Variants in THAP12 observed in about 807,000 individuals in gnomAD.
THAP12 encodes the protein THAP domain containing 12.
THAP12 carries 20 observed loss-of-function variants against 63.0 expected under a neutral mutation model. The ratio of observed to expected loss-of-function variants is 0.32; its 90% CI spans 0.22 to 0.46. THAP12 has a LOEUF of 0.46. Among genes scored for constraint, THAP12 ranks in the 20% least tolerant of loss-of-function variants. The pLI is 1.00. For synonymous variants in THAP12, 264 were observed against 328.4 expected (o/e 0.80, Z 2.12); for missense variants, 568 against 908.2 (o/e 0.63, Z 4.81).
chr11:76,362,753 A>G (rs1326137724), intron 2 of THAP12, among the ~76,000 whole-genome samples: 2 of 152,250 alleles, frequency 1.3e-5, no homozygotes, highest in Admixed American at 6.5e-5. Context: ...CAAATTTTTA[A>G]AAGTCAAATC....
At chr11:76,379,987 C>T (rs775479615) in intron 1 of THAP12, among the ~76,000 whole-genome samples, 10 of 152,232 alleles carry the variant, frequency 6.6e-5, no homozygotes, top group Non-Finnish European at 8.8e-5. Flanking sequence ...CAGCACCTAA[C>T]ATTTGCGCTC....
At chr11:76,375,807 C>T (rs1002680431) in intron 1 of THAP12, among the ~76,000 whole-genome samples, 4 of 150,832 alleles carry the variant, frequency 2.7e-5, no homozygotes, top group Non-Finnish European at 5.9e-5. Flanking sequence ...TCAATAACAC[C>T]TCTGGAAACT....
chr11:76,355,558 A>C, intron 4 of THAP12, 60 bp downstream of exon 4: 2 of 1,430,642 alleles, frequency 1.4e-6, no homozygotes, highest in Non-Finnish European at 1.9e-6. Context: ...ATTTGTCCTT[A>C]CCAGGTCAAG....
At chr11:76,365,744 A>G in intron 2 of THAP12, 108 bp downstream of exon 2, 1 of 1,322,100 alleles carries the variant, frequency 7.6e-7, no homozygotes, top group Non-Finnish European at 1.0e-6. Context: ...AAGTGGCAGG[A>G]TATAGGAATA....
chr11:76,362,912 C>T (rs1946606971), intron 2 of THAP12, among the ~76,000 whole-genome samples: 1 of 152,144 alleles, frequency 6.6e-6, no homozygotes, highest in Admixed American at 6.5e-5. Context: ...GAGGCCTTGG[C>T]CGGGTAGACG....
intron 4 of THAP12, 142 bp from the exon 5 acceptor site, chr11:76,352,936 G>A: frequency 1.1e-6 from 1 of 951,242 alleles, no homozygotes; most frequent in East Asian, 2.9e-5. Context: ...CCACAGACTA[G>A]GACAGAGATT....
At chr11:76,369,680 T>C (rs1271970949) in intron 1 of THAP12, among the ~76,000 whole-genome samples, 2 of 152,256 alleles carry the variant, frequency 1.3e-5, no homozygotes, top group Admixed American at 6.5e-5. Flanking sequence ...GGAATTTTAT[T>C]ATATGCCAGG....
rs188442272 is a variant in THAP12 at position 76,366,675 on chromosome 11, C to T, written c.90-703G>A. Reference sequence around the variant, plus strand: ...CAGCCTGGGTGACAGAGCCAGACTCCGTCTCGGAAAAAAAAAAAAAAATCA... The same window carrying T: ...CAGCCTGGGTGACAGAGCCAGACTCTGTCTCGGAAAAAAAAAAAAAAATCA... On this transcript the variant is annotated intron_variant, in intron 1 of 4. Transcript: ENST00000260045. Among the ~76,000 whole-genome samples, 666 of 149,814 alleles carry T rather than the reference C, an allele frequency of 4.4e-3. 4 individuals carry two copies. The highest frequency in any genetic ancestry group is 0.016 in the African/African-American group (633 of 40,720).
Position 76,350,878 on chromosome 11 carries a change from C to G in THAP12, c.2272G>C (p.Val758Leu). 10 of 1,529,472 alleles carry G rather than the reference C, an allele frequency of 6.5e-6. No individual in the cohort carries two copies. The highest frequency in any genetic ancestry group is 8.7e-6 in the Non-Finnish European group (10 of 1,142,996). The allele number at this position is 1,529,472 out of a possible 1,614,324, so 94.7% of individuals were successfully genotyped here. Residue 758 changes from valine (V) to leucine (L), a missense_variant, in exon 5 of 5, where the codon GTG (valine) becomes CTG (leucine). Transcript: ENST00000260045. ...TTAAAAGTCTCTTAGGTATTTTCCA[C>G]AGTTTCGGAATTATCTGTAGGAAGC... is the stretch of plus-strand genomic sequence containing the variant. The part of the protein sequence containing the change: ...SELPTDNSET[V>L]ENT
At chr11:76,373,688 C>CTCCA (rs1946689709) in intron 1 of THAP12, among the ~76,000 whole-genome samples, 1 of 149,684 alleles carries the variant, frequency 6.7e-6, no homozygotes, top group African/African-American at 2.5e-5. Context: ...TGCCACTGCA[C>CTCCA]TCCAGCCTGA....
chr11:76,377,707 T>C (rs1283514145), intron 1 of THAP12, among the ~76,000 whole-genome samples: 2 of 152,274 alleles, frequency 1.3e-5, no homozygotes, highest in Non-Finnish European at 1.5e-5. Context: ...TGAATGTGTG[T>C]ACATTTGGTT....
chr11:76,359,740 T>C (rs1459198601), intron 3 of THAP12, among the ~76,000 whole-genome samples: 2 of 151,020 alleles, frequency 1.3e-5, no homozygotes, highest in Non-Finnish European at 2.9e-5. Flanking sequence ...GGCAGGAGAA[T>C]TGCTGGAAAC....
chr11:76,374,596 T>C (rs1047309080), intron 1 of THAP12, among the ~76,000 whole-genome samples: 2 of 152,216 alleles, frequency 1.3e-5, no homozygotes, highest in Non-Finnish European at 2.9e-5. Flanking sequence ...CTGAATAATA[T>C]TTAGAAAATT....
At chr11:76,367,396 A>G (rs1324991428) in intron 1 of THAP12, among the ~76,000 whole-genome samples, 1 of 150,860 alleles carries the variant, frequency 6.6e-6, no homozygotes, top group Admixed American at 6.6e-5. Context: ...ATTTCTAAGA[A>G]TAAAAGTTCT....
intron 1 of THAP12, among the ~76,000 whole-genome samples, chr11:76,373,345 A>G (rs940260067): frequency 2.8e-4 from 41 of 144,316 alleles, no homozygotes; most frequent in African/African-American, 9.9e-4. Flanking sequence ...CACTGTCTCA[A>G]AAAAAAAAAA....
chr11:76,367,208 C>T (rs184884983), intron 1 of THAP12, among the ~76,000 whole-genome samples: 107 of 152,006 alleles, frequency 7.0e-4, no homozygotes, highest in South Asian at 2.9e-3. Context: ...TCCCAAGTAG[C>T]TAGGATTACA....
intron 1 of THAP12, among the ~76,000 whole-genome samples, chr11:76,377,977 A>AC (rs1359440656): frequency 1.3e-5 from 2 of 152,308 alleles, no homozygotes; most frequent in East Asian, 3.9e-4. Flanking sequence ...TGGATACTGG[A>AC]CCCAGATCAA....
At chr11:76,354,564 CTTGA>C (rs1763543382) in intron 4 of THAP12, among the ~76,000 whole-genome samples, 1 of 152,138 alleles carries the variant, frequency 6.6e-6, no homozygotes, top group Non-Finnish European at 1.5e-5. Flanking sequence ...TCTTAAGTTC[CTTGA>C]ATCTATTCCC....
chr11:76,357,490 A>T (rs1017914260), intron 3 of THAP12: 7 of 152,172 alleles, frequency 4.6e-5, no homozygotes, highest in Non-Finnish European at 8.8e-5. Flanking sequence ...AAAAACTCAC[A>T]TCTAGATACA....
Sources: allele counts gnomAD v4.1 joint callset (sites outside exome capture counted in the v4.1 genomes callset), GRCh38; gene constraint gnomAD v4.1.1; transcripts MANE v1.5; gene names NCBI Gene and HGNC (gene_info 2026-07-23, HGNC 2026-07-21).